ANKRD55: variants seen among roughly 807,000 people sequenced by gnomAD.
ANKRD55 encodes the protein ankyrin repeat domain-containing protein 55.
In ANKRD55, 41 loss-of-function variants were observed where a neutral mutation model predicts 60.6. The observed-to-expected ratio is 0.68, with a 90% confidence interval of 0.53 to 0.88. The LOEUF (loss-of-function observed/expected upper bound fraction) is 0.88, where lower values mean the gene tolerates loss of function less well. Ranked by LOEUF, ANKRD55 falls within the 40% of genes least tolerant of loss-of-function variation. The pLI is 0.00. For synonymous variants in ANKRD55, 264 were observed against 290.3 expected, an observed-to-expected ratio of 0.91 and a Z score of 0.92; for missense variants, 732 against 767.6, an observed-to-expected ratio of 0.95 and a Z score of 0.55.
At chr5:56,121,713 G>A (rs1387776019) in intron 8 of ANKRD55, among the ~76,000 whole-genome samples, 1 of 152,162 alleles carries the variant, frequency 6.6e-6, no homozygotes, top group Non-Finnish European at 1.5e-5. Context: ...GCTCCACGTG[G>A]GAGGGGAATG....
intron 2 of ANKRD55, among the ~76,000 whole-genome samples, chr5:56,225,063 A>T (rs1396168431): frequency 6.6e-6 from 1 of 152,242 alleles, no homozygotes; most frequent in Non-Finnish European, 1.5e-5. Context: ...TCCTTGATGA[A>T]TATTGATGCA....
At chr5:56,160,485 C>T (rs543058163) in intron 5 of ANKRD55, among the ~76,000 whole-genome samples, 32 of 152,270 alleles carry the variant, frequency 2.1e-4, no homozygotes, top group African/African-American at 7.2e-4. Context: ...GTGGTCCGCC[C>T]GCCTAAGCCT....
intron 2 of ANKRD55, among the ~76,000 whole-genome samples, chr5:56,196,227 T>C (rs556812893): frequency 2.0e-5 from 3 of 152,212 alleles, no homozygotes; most frequent in Admixed American, 6.5e-5. Context: ...TTTGTGAGGA[T>C]TAAATAAATG....
chr5:56,223,986 CCTAATAGACAT>C (rs753214969), intron 2 of ANKRD55, among the ~76,000 whole-genome samples: 14 of 152,122 alleles, frequency 9.2e-5, no homozygotes, highest in Non-Finnish European at 1.8e-4. Flanking sequence ...ACCAAGCGGA[CCTAATAGACAT>C]CTACAGAACT....
intron 1 of ANKRD55, 141 bp from the exon 2 acceptor site, chr5:56,233,087 T>A (rs1554045070): frequency 1.6e-6 from 1 of 631,446 alleles, no homozygotes; most frequent in Non-Finnish European, 2.8e-6. Context: ...TGAAAATAGG[T>A]AAATGCTATT....
chr5:56,193,053 A>G, intron 2 of ANKRD55: 1 of 906,820 alleles, frequency 1.1e-6, no homozygotes, highest in Non-Finnish European at 1.7e-6. Context: ...TTGAAAGCAG[A>G]TGATGACACA....
chr5:56,177,428 A>G (rs1466101919), intron 3 of ANKRD55, among the ~76,000 whole-genome samples: 2 of 152,242 alleles, frequency 1.3e-5, no homozygotes, highest in African/African-American at 4.8e-5. Context: ...ATGCTGCAAA[A>G]GGCAATTATT....
At chr5:56,174,369 T>C (rs909107602) in intron 4 of ANKRD55, among the ~76,000 whole-genome samples, 4 of 152,172 alleles carry the variant, frequency 2.6e-5, no homozygotes, top group African/African-American at 9.7e-5. Context: ...CAGTCAACTT[T>C]AGAAACCCCT....
rs1396885073 is a variant in ANKRD55, at chr5:56,223,924, T to C, written c.58+8932A>G. On this transcript the variant is annotated intron_variant, in intron 2 of 11. Transcript: ENST00000341048. ...CACCCCACTGTCAACATTAGACAGA[T>C]CCATGAGACAGAAAGTTTACAAGGA... Among the ~76,000 whole-genome samples the C allele has an allele frequency of 2.0e-5, 3 of 152,144 alleles. No homozygotes were observed. The South Asian group carries it at 6.2e-4, about 32-fold the overall frequency.
intron 7 of ANKRD55, among the ~76,000 whole-genome samples, chr5:56,141,848 A>G (rs966010131): frequency 6.6e-6 from 1 of 152,216 alleles, no homozygotes; most frequent in African/African-American, 2.4e-5. Context: ...AGTACGTTAC[A>G]TATCACTATC....
intron 9 of ANKRD55, among the ~76,000 whole-genome samples, chr5:56,114,700 G>C (rs896822029): frequency 1.3e-5 from 2 of 152,160 alleles, no homozygotes; most frequent in African/African-American, 4.8e-5. Flanking sequence ...ATGTGACAGA[G>C]TACAAAAAAT....
intron 2 of ANKRD55, among the ~76,000 whole-genome samples, chr5:56,191,595 G>A (rs1759093368): frequency 6.6e-6 from 1 of 152,160 alleles, no homozygotes; most frequent in East Asian, 1.9e-4. Flanking sequence ...ATTATTATTA[G>A]AGCTTATAAA....
At chr5:56,222,929 T>G (rs967425776) in intron 2 of ANKRD55, among the ~76,000 whole-genome samples, 8 of 152,288 alleles carry the variant, frequency 5.3e-5, no homozygotes, top group East Asian at 3.9e-4. Context: ...AAAACACTCT[T>G]CAGGATATTA....
intron 7 of ANKRD55, among the ~76,000 whole-genome samples, chr5:56,134,450 G>A (rs1180453756): frequency 9.0e-6 from 1 of 111,014 alleles, no homozygotes; most frequent in Non-Finnish European, 2.1e-5. Flanking sequence ...GTGGTGGCAG[G>A]CGCCTGTAAT....
intron 8 of ANKRD55, among the ~76,000 whole-genome samples, chr5:56,120,577 G>C (rs897436535): frequency 1.3e-5 from 2 of 152,110 alleles, no homozygotes; most frequent in African/African-American, 4.8e-5. Flanking sequence ...GGCTCCCCCA[G>C]CACTGGAAAG....
chr5:56,112,235 G>A (rs1227033492), intron 9 of ANKRD55, among the ~76,000 whole-genome samples: 3 of 152,020 alleles, frequency 2.0e-5, no homozygotes, highest in Admixed American at 6.6e-5. Flanking sequence ...GCTGAGGTGG[G>A]GGGAATGTGG....
intron 4 of ANKRD55, 73 bp from the exon 5 acceptor site, chr5:56,170,876 A>AT: frequency 7.2e-7 from 1 of 1,386,510 alleles, no homozygotes; most frequent in Non-Finnish European, 1.0e-6. Context: ...CTTTCTCTAG[A>AT]TTTTTTTCCC....
In ANKRD55 at chr5:56,111,770, A is replaced by G; in HGVS notation, c.978T>C (p.Thr326=). The change falls in exon 10 of 12, where the codon ACT becomes ACC. Residue 326 remains threonine, a synonymous_variant. Transcript: ENST00000341048. ...LLSQESRTEP[T]RPPPSQSSRP... The stretch of plus-strand genomic sequence containing the variant: ...GACTGCTCTGGGAGGGAGGGGGTCG[A>G]GTAGGCTCTGTTCTATGCGAATATA... The G allele has an allele frequency of 6.6e-7, 1 of 1,512,394 alleles. No individual in the cohort carries two copies. The highest frequency in any genetic ancestry group is 2.4e-5 in the Admixed American group (1 of 41,996). 93.7% of individuals were successfully genotyped at this position (1,512,394 alleles called of 1,614,324 possible). A position where few individuals can be genotyped will look rare whatever the true frequency, so the allele number is the denominator to read the frequency against.
chr5:56,114,510 A>G (rs1756831022), intron 9 of ANKRD55, among the ~76,000 whole-genome samples: 1 of 152,242 alleles, frequency 6.6e-6, no homozygotes, highest in Non-Finnish European at 1.5e-5. Flanking sequence ...AGCTTGTCCA[A>G]TAGATTGGTG....
Sources: gnomAD v4.1 joint callset for allele counts (sites outside exome capture counted in the v4.1 genomes callset) on GRCh38, gnomAD v4.1.1 for gene constraint, MANE v1.5 for transcripts, NCBI Gene and HGNC (gene_info 2026-07-23, HGNC 2026-07-21) for gene names.